MROH2B: variants seen among roughly 807,000 people sequenced by gnomAD.
The protein encoded by MROH2B is maestro heat-like repeat-containing protein family member 2B.
MROH2B carries 177 observed loss-of-function variants against 208.6 expected under a neutral mutation model. That is an observed-to-expected ratio of 0.85 (90% CI 0.75 to 0.96). The LOEUF (loss-of-function observed/expected upper bound fraction) is 0.96, where lower values mean the gene tolerates loss of function less well. MROH2B is among the 40% of genes least tolerant of loss of function. The pLI is 0.00. For missense variants in MROH2B, 2,002 were observed against 1,878.7 expected (o/e 1.07, Z -1.21); for synonymous variants, 728 against 659.0 (o/e 1.10, Z -1.60).
intron 11 of MROH2B, among the ~76,000 whole-genome samples, chr5:41,052,885 T>C (rs748910337): frequency 1.1e-4 from 17 of 152,210 alleles, no homozygotes; most frequent in Non-Finnish European, 1.6e-4. Flanking sequence ...TCTTTGAGCA[T>C]GACCTTTGAG....
intron 24 of MROH2B, among the ~76,000 whole-genome samples, chr5:41,025,361 C>T (rs4957365): frequency 0.77 from 116,473 of 151,934 alleles, 44,979 homozygotes; most frequent in Non-Finnish European, 0.81. Context: ...ATATCACCAC[C>T]GATCCCACAG....
chr5:41,056,156 T>C (rs1743442504), intron 9 of MROH2B, among the ~76,000 whole-genome samples: 1 of 152,164 alleles, frequency 6.6e-6, no homozygotes, highest in Admixed American at 6.6e-5. Flanking sequence ...CTGAATTTAA[T>C]ATGACTGGTG....
rs749272301 is a variant in MROH2B, at chr5:41,049,135, A to G, written c.1508T>C (p.Leu503Pro). ...ALVVSTGAVK[L>P]PSPQQLLARL... ...GGCCAGTAGCTGCTGTGGTGAAGGA[A>G]GTTTCACTAGAAAGAGAAAGCAATT... Residue 503 changes from leucine to proline, a missense_variant, in exon 15 of 42, where the codon CTT becomes CCT. Leu to Pro is a moderately conservative substitution (Grantham distance 98). Coordinates refer to ENST00000399564, the MANE Select transcript of MROH2B (RefSeq NM_173489.5). The G allele has an allele frequency of 3.0e-5, 48 of 1,601,002 alleles. No individual in the cohort carries two copies. Among genetic ancestry groups the G allele is most frequent in the Non-Finnish European group, 3.8e-5 (45 of 1,173,058 alleles).
At chr5:41,070,744 C>A (rs899574483) in intron 1 of MROH2B, 81 bp downstream of exon 1, 6 of 1,452,154 alleles carry the variant, frequency 4.1e-6, no homozygotes, top group Non-Finnish European at 5.7e-6. Context: ...GCGCCACTCC[C>A]AGCCCTCATA....
chr5:41,061,287 G>A (rs1440229793), intron 6 of MROH2B, among the ~76,000 whole-genome samples: 5 of 152,128 alleles, frequency 3.3e-5, no homozygotes, highest in Non-Finnish European at 5.9e-5. Context: ...ATACTGAAAT[G>A]TCAATTTCAT....
intron 5 of MROH2B, 112 bp downstream of exon 5, chr5:41,064,360 A>T (rs931513112): frequency 2.5e-6 from 2 of 810,756 alleles, no homozygotes; most frequent in Admixed American, 4.5e-5. Flanking sequence ...GGCAGCTATT[A>T]TTATTCAAAA....
Position 41,017,894 on chromosome 5 carries a change from C to T in MROH2B, c.2840G>A (p.Arg947His), listed in dbSNP as rs139638224. The T allele has an allele frequency of 1.4e-4, 229 of 1,591,908 alleles. No individual in the cohort carries two copies. The East Asian group carries it at 4.3e-3, about 30-fold the overall frequency. Residue 947 changes from arginine (R) to histidine (H), a missense_variant, in exon 28 of 42, where the codon CGT becomes CAT. Arg to His is a conservative substitution (Grantham distance 29). Coordinates refer to ENST00000399564, the MANE Select transcript of MROH2B (RefSeq NM_173489.5). ...PHSCDTLPTI[R>H]QAAASSTIGL... ...AATAGTTGAGCTAGCAGCCGCCTGA[C>T]GGATGGTGGGCAGGGTATCACAGGA... is the stretch of plus-strand genomic sequence containing the variant.
intron 24 of MROH2B, among the ~76,000 whole-genome samples, chr5:41,026,611 C>T (rs1295914941): frequency 6.6e-6 from 1 of 152,106 alleles, no homozygotes; most frequent in Non-Finnish European, 1.5e-5. Flanking sequence ...GCCATACTGC[C>T]CAAGGTAATT....
chr5:41,067,002 C>A, intron 3 of MROH2B, 106 bp downstream of exon 3: 1 of 695,636 alleles, frequency 1.4e-6, no homozygotes, highest in Non-Finnish European at 2.6e-6. Context: ...AGAACAAATA[C>A]AAGTGATTTG....
In MROH2B at chr5:41,070,951, G is replaced by GGTTCACA. The variant is rs1743972162; in HGVS notation, c.-106_-100dup. 8.2e-7 allele frequency: 1 copy of GGTTCACA among 1,217,162 alleles called. No individual in the cohort carries two copies. The highest frequency in any genetic ancestry group is 1.2e-6 in the Non-Finnish European group (1 of 843,538). The allele number at this position is 1,217,162 out of a possible 1,614,324, so 75.4% of individuals were successfully genotyped here. On this transcript the variant is annotated 5_prime_UTR_variant, in exon 1 of 42. Transcript: ENST00000399564. ...GCAGGTTGGCAAGTTTCTCATATAAGGTTCACATAAGCCTCTCTAAATGAA... is the reference window on the plus strand; with the variant it reads ...GCAGGTTGGCAAGTTTCTCATATAAGGTTCACAGTTCACATAAGCCTCTCTAAATGAA...
intron 24 of MROH2B, among the ~76,000 whole-genome samples, chr5:41,022,404 C>A (rs1230029049): frequency 1.3e-5 from 2 of 151,986 alleles, no homozygotes. Flanking sequence ...GAGATTATAT[C>A]CCGCGCCTGG....
rs200448809 is a variant in MROH2B, at chr5:41,064,541, T to C, written c.391A>G (p.Thr131Ala). The change falls in exon 5 of 42, where the codon ACC (threonine) becomes GCC (alanine). Residue 131 changes from threonine (T) to alanine (A), a missense_variant. By Grantham distance (58) the Thr-to-Ala change is moderately conservative. Transcript: ENST00000399564. ...AGCATGGTTTGCATGGTGAGCAGGG[T>C]CATCATCATGAAAGGAATACTCTGG... ...VSQSIPFMMMTLLTMQTMLRL... is the reference protein window; with the variant it reads ...VSQSIPFMMMALLTMQTMLRL... 106 of 1,613,268 alleles carry C rather than the reference T, an allele frequency of 6.6e-5. 1 individual carries two copies. In the African/African-American group the frequency reaches 1.2e-3, roughly 18 times the overall value.
At chr5:41,018,533 C>T (rs1175859577) in intron 26 of MROH2B, 103 bp from the exon 27 acceptor site, 1 of 1,450,694 alleles carries the variant, frequency 6.9e-7, no homozygotes, top group African/African-American at 1.4e-5. Context: ...ACGGTGCTCA[C>T]CTCCCCACAA....
rs780155336 is a variant in MROH2B at position 41,004,840 on chromosome 5, G to A, written c.3945C>T (p.Ser1315=). The A allele has an allele frequency of 1.2e-6, 2 of 1,614,010 alleles. No individual in the cohort carries two copies. The highest frequency in any genetic ancestry group is 1.7e-6 in the Non-Finnish European group (2 of 1,179,876). ...TGGCCATCTGCCTCAGAGTGGCGTT[G>A]GAGTCCCAGGCACTTTGATCCATCA... ...LILMDQSAWD[S]NATLRQMAIR... is the part of the protein sequence containing the mutation. Residue 1315 remains serine (S), a synonymous_variant, in exon 36 of 42, where the codon TCC becomes TCT. Coordinates refer to ENST00000399564, the MANE Select transcript of MROH2B (RefSeq NM_173489.5).
chr5:41,049,537 T>C, intron 13 of MROH2B, 101 bp from the exon 14 acceptor site: 2 of 1,421,078 alleles, frequency 1.4e-6, no homozygotes, highest in Non-Finnish European at 9.4e-7. Context: ...GCTTTTCTCC[T>C]GTTATTATTT....
chr5:41,017,150 C>A (rs2111864259), intron 28 of MROH2B, among the ~76,000 whole-genome samples: 1 of 152,336 alleles, frequency 6.6e-6, no homozygotes, highest in East Asian at 1.9e-4. Flanking sequence ...TGCGTCTACT[C>A]TGCAGAACTG....
chr5:41,008,759 C>T lies in MROH2B; in HGVS notation c.3455G>A (p.Gly1152Asp), dbSNP rs775906178. Residue 1152 changes from glycine (G) to aspartate (D), a missense_variant, in exon 33 of 42, where the codon GGC becomes GAC. Gly to Asp is a moderately conservative substitution (Grantham distance 94). Coordinates refer to ENST00000399564, the MANE Select transcript of MROH2B (RefSeq NM_173489.5). ...ACAMYEVISMGTSVTGLYPEL... is the reference protein window; with the variant it reads ...ACAMYEVISMDTSVTGLYPEL... Reference sequence around the variant, plus strand: ...TGGATACAAGCCGGTGACAGAGGTGCCCATTGAGATCACTTCATACATAGC... The same window carrying T: ...TGGATACAAGCCGGTGACAGAGGTGTCCATTGAGATCACTTCATACATAGC... 14 of 1,613,396 alleles carry T rather than the reference C, an allele frequency of 8.7e-6. No homozygotes were observed. Among genetic ancestry groups the T allele is most frequent in the Non-Finnish European group, 1.1e-5 (13 of 1,179,714 alleles).
chr5:41,064,698 G>A (rs925807643), intron 4 of MROH2B, 128 bp from the exon 5 acceptor site: 2 of 594,526 alleles, frequency 3.4e-6, no homozygotes, highest in Non-Finnish European at 5.9e-6. Context: ...GTAGAAAGAT[G>A]TTTCTATAAT....
At chr5:41,039,614 T>A in intron 19 of MROH2B, 59 bp from the exon 20 acceptor site, 1 of 1,203,338 alleles carries the variant, frequency 8.3e-7, no homozygotes, top group South Asian at 1.5e-5. Flanking sequence ...CAACAAATAT[T>A]TACTGAGCAC....
Sources: allele counts gnomAD v4.1 joint callset (sites outside exome capture counted in the v4.1 genomes callset), GRCh38; gene constraint gnomAD v4.1.1; transcripts MANE v1.5; gene names NCBI Gene and HGNC (gene_info 2026-07-23, HGNC 2026-07-21).